The following HYKK variants were observed in gnomAD, a reference collection of about 807,000 sequenced individuals.
HYKK encodes the protein hydroxylysine kinase.
HYKK carries 19 observed loss-of-function variants against 29.7 expected under a neutral mutation model. That is an observed-to-expected ratio of 0.64 (90% CI 0.45 to 0.94). The LOEUF (loss-of-function observed/expected upper bound fraction) is 0.94. Ranked by LOEUF, HYKK falls within the 40% of genes least tolerant of loss-of-function variation. The pLI is 0.00. For missense variants in HYKK, 390 were observed against 443.4 expected, an observed-to-expected ratio of 0.88 and a Z score of 1.08; for synonymous variants, 152 against 158.1, an observed-to-expected ratio of 0.96 and a Z score of 0.29.
chr15:78,527,872 G>A (rs1247453537), intron 4 of HYKK: 21 of 405,160 alleles, frequency 5.2e-5, no homozygotes, highest in East Asian at 2.3e-4. Context: ...ATCACACTGT[G>A]TATTATTATT....
At chr15:78,527,643 A>C in intron 4 of HYKK, 80 bp downstream of exon 4, 1 of 1,530,010 alleles carries the variant, frequency 6.5e-7, no homozygotes, top group Non-Finnish European at 8.7e-7. Flanking sequence ...ATGGAGGTAC[A>C]ATTTAGCTTT....
chr15:78,516,418 T>C (rs1166922226), intron 3 of HYKK, among the ~76,000 whole-genome samples: 3 of 149,436 alleles, frequency 2.0e-5, no homozygotes, highest in African/African-American at 7.4e-5. Flanking sequence ...CAGTCACAGC[T>C]TAATGCAGCC....
chr15:78,510,165 C>T (rs2052058944), intron 1 of HYKK, among the ~76,000 whole-genome samples: 1 of 142,668 alleles, frequency 7.0e-6, no homozygotes, highest in African/African-American at 2.6e-5. Context: ...GCTCTCTCTT[C>T]TCTCTTTTCT....
chr15:78,526,740 A>G (rs2052257912), intron 3 of HYKK, among the ~76,000 whole-genome samples: 1 of 152,232 alleles, frequency 6.6e-6, no homozygotes. Flanking sequence ...AATAATGCCT[A>G]TCTTTACATA....
chr15:78,516,521 T>G (rs1230432367), intron 3 of HYKK, among the ~76,000 whole-genome samples: 1 of 151,924 alleles, frequency 6.6e-6, no homozygotes, highest in African/African-American at 2.4e-5. Flanking sequence ...AATTTATTTT[T>G]GTATTTTTTG....
intron 2 of HYKK, 79 bp from the exon 3 acceptor site, chr15:78,514,889 C>CTCTCT: frequency 4.8e-6 from 1 of 206,740 alleles, no homozygotes; most frequent in Non-Finnish European, 8.3e-6. Flanking sequence ...TATCTAAATA[C>CTCTCT]CTCTCTCTCT....
intron 4 of HYKK, among the ~76,000 whole-genome samples, chr15:78,529,773 T>A (rs1036957646): frequency 6.6e-6 from 1 of 152,230 alleles, no homozygotes; most frequent in Non-Finnish European, 1.5e-5. Flanking sequence ...ACTAGTTATA[T>A]GTGTTACAAA....
Position 78,524,302 on chromosome 15 carries a change from C to T in HYKK, c.478-3078C>T, listed in dbSNP as rs75026769. Among the ~76,000 whole-genome samples, 1,408 of 152,366 alleles carry T rather than the reference C, an allele frequency of 9.2e-3. 137 individuals carry two copies. In the East Asian group the frequency reaches 0.24, roughly 26 times the overall value. Reference sequence around the variant, plus strand: ...TAACACCACTTGGAAGCCACCAAGGCTTCTAGCTTGCGCTTTCTGAAGCAG... The same window carrying T: ...TAACACCACTTGGAAGCCACCAAGGTTTCTAGCTTGCGCTTTCTGAAGCAG... On this transcript the variant is annotated intron_variant, in intron 3 of 4. Transcript: ENST00000388988.
chr15:78,527,306 T>C (rs76323441), intron 3 of HYKK, 74 bp from the exon 4 acceptor site: 245 of 1,043,248 alleles, frequency 2.3e-4, no homozygotes, highest in Middle Eastern at 1.7e-3. Context: ...AAAAAAAAAA[T>C]GTGCAGCACC....
At chr15:78,516,848 C>T (rs984389456) in intron 3 of HYKK, among the ~76,000 whole-genome samples, 3 of 151,804 alleles carry the variant, frequency 2.0e-5, no homozygotes, top group African/African-American at 7.3e-5. Flanking sequence ...TGGTGAAACC[C>T]TGTCTCTACT....
chr15:78,529,723 T>G (rs12910289), intron 4 of HYKK, among the ~76,000 whole-genome samples: 47,934 of 152,150 alleles, frequency 0.32, 8,566 homozygotes, highest in Non-Finnish European at 0.42. Context: ...TTCTCATTGA[T>G]TTGTAGAAAT....
At position 78,512,445 on chromosome 15, in the gene HYKK, A is replaced by G. The variant is rs140678751; in HGVS notation, c.-5-639A>G. ...GAGATGGAGTCTCGCCCTGTTGCCC[A>G]GGCTAGAGTGTAGTGGTGCGATCTT... On this transcript the variant is annotated intron_variant, in intron 1 of 4. Transcript: ENST00000388988. Among the ~76,000 whole-genome samples, 6 of 123,176 alleles carry G rather than the reference A, an allele frequency of 4.9e-5. No individual in the cohort carries two copies. The East Asian group carries it at 1.4e-3, about 28-fold the overall frequency. 80.8% of individuals were successfully genotyped at this position (123,176 alleles called of 152,430 possible). A position where few individuals can be genotyped will look rare whatever the true frequency, so the allele number is the denominator to read the frequency against.
Position 78,514,972 on chromosome 15 carries a change from T to G in HYKK, c.342T>G (p.Ser114Arg). ...DNTASLVSVDSGSEIKSYLVR... is the reference protein window; with the variant it reads ...DNTASLVSVDRGSEIKSYLVR... ...TATTTTATTCCATCCATTTAGATAG[T>G]GGCTCTGAAATCAAAAGCTACTTGG... is the stretch of plus-strand genomic sequence containing the variant. Residue 114 changes from serine (S) to arginine (R), a missense_variant, in exon 3 of 5, where the codon AGT becomes AGG. Transcript: ENST00000388988. The G allele has an allele frequency of 1.3e-6, 2 of 1,548,712 alleles. No individual in the cohort carries two copies. Among genetic ancestry groups the G allele is most frequent in the Non-Finnish European group, 1.7e-6 (2 of 1,144,034 alleles).
At chr15:78,511,029 A>G (rs1196320032) in intron 1 of HYKK, among the ~76,000 whole-genome samples, 1 of 143,648 alleles carries the variant, frequency 7.0e-6, no homozygotes, top group African/African-American at 2.6e-5. Flanking sequence ...CTAGTCTCGA[A>G]CTCCTAGCCT....
At chr15:78,528,129 C>T (rs1403956087) in intron 4 of HYKK, 1 of 153,054 alleles carries the variant, frequency 6.5e-6, no homozygotes, top group African/African-American at 2.4e-5. Context: ...TCCCCAAACC[C>T]CAGGAACTGG....
intron 3 of HYKK, among the ~76,000 whole-genome samples, chr15:78,519,970 A>G (rs529817955): frequency 6.6e-6 from 1 of 152,252 alleles, no homozygotes; most frequent in Admixed American, 6.5e-5. Context: ...TTTTCCTGCT[A>G]TATTCTGAAA....
rs766004199 is a variant in HYKK at position 78,514,908 on chromosome 15, C to CTCTCTCTCTATATATA, written c.338-59_338-58insCTCTCTCTATATATAT. On this transcript the variant is annotated intron_variant, in intron 2 of 4. Transcript: ENST00000388988. ...TAAATACCTCTCTCTCTCTCTCTCT[C>CTCTCTCTCTATATATA]TATATATATATATATATATAAATAA... The CTCTCTCTCTATATATA allele has an allele frequency of 1.1e-3, 415 of 385,402 alleles. 12 individuals carry two copies. In the East Asian group the frequency reaches 0.027, roughly 25 times the overall value. 23.9% of individuals were successfully genotyped at this position (385,402 alleles called of 1,614,324 possible).
chr15:78,533,571 G>T lies in HYKK; in HGVS notation c.1023G>T (p.Gly341=), dbSNP rs1425108921. The change falls in exon 5 of 5, where the codon GGG becomes GGT. Residue 341 remains glycine, a synonymous_variant. Transcript: ENST00000388988. ...KDYLMVTAKT[G]WKHLQQMFDM... is the part of the protein sequence containing the mutation. Reference sequence around the variant, plus strand: ...ATCTCATGGTTACTGCAAAAACCGGGTGGAAACACTTACAGCAAATGTTTG... The same window carrying T: ...ATCTCATGGTTACTGCAAAAACCGGTTGGAAACACTTACAGCAAATGTTTG... The T allele has an allele frequency of 6.2e-7, 1 of 1,614,214 alleles. No individual in the cohort carries two copies. Among genetic ancestry groups the T allele is most frequent in the Non-Finnish European group, 8.5e-7 (1 of 1,180,036 alleles).
At chr15:78,527,757 C>T in intron 4 of HYKK, 194 bp downstream of exon 4, 2 of 1,343,874 alleles carry the variant, frequency 1.5e-6, no homozygotes, top group East Asian at 3.0e-5. Flanking sequence ...CTAAACTTTA[C>T]ATGAGTCTAC....
Sources: gnomAD v4.1 joint callset for allele counts (sites outside exome capture counted in the v4.1 genomes callset) on GRCh38, gnomAD v4.1.1 for gene constraint, MANE v1.5 for transcripts, NCBI Gene and HGNC (gene_info 2026-07-23, HGNC 2026-07-21) for gene names.